Variants in TMEM165 observed in about 807,000 individuals in gnomAD.
TMEM165 encodes the protein putative divalent cation/proton antiporter TMEM165.
A neutral mutation model predicts 30.0 loss-of-function variants in TMEM165; 19 were observed. That is an observed-to-expected ratio of 0.63 (90% confidence interval 0.44 to 0.93). The LOEUF (loss-of-function observed/expected upper bound fraction) is 0.93. Ranked by LOEUF, TMEM165 falls within the 40% of genes least tolerant of loss-of-function variation. The probability of loss-of-function intolerance (pLI) is 0.00; values close to 1 mark genes in which losing one functional copy is unlikely to be tolerated. For missense variants in TMEM165, 340 were observed against 417.0 expected, an observed-to-expected ratio of 0.82 and a Z score of 1.61; for synonymous variants, 168 against 162.9, an observed-to-expected ratio of 1.03 and a Z score of -0.24.
In TMEM165 at chr4:55,442,669, A is replaced by ACTGAAAATAATTATTTGGGAAGT. The variant is rs775385544; in HGVS notation, c.409-9569_409-9547dup. 4 of 1,536,428 alleles carry ACTGAAAATAATTATTTGGGAAGT rather than the reference A, an allele frequency of 2.6e-6. No homozygotes were observed. The South Asian group carries it at 4.5e-5, about 17-fold the overall frequency. On this transcript the variant is annotated intron_variant, in intron 3 of 3. Coordinates refer to the TMEM165 transcript ENST00000608091. ...ATAAAGAGATTTTATAGACAGATTAACTGAAAATAATTATTTGGGAAGTAT... is the reference window on the plus strand; with the variant it reads ...ATAAAGAGATTTTATAGACAGATTAACTGAAAATAATTATTTGGGAAGTCTGAAAATAATTATTTGGGAAGTAT...
At chr4:55,442,355 G>T in intron 3 of TMEM165, 3 of 1,304,016 alleles carry the variant, frequency 2.3e-6, no homozygotes, top group South Asian at 1.2e-5. Flanking sequence ...TAAAAAATTT[G>T]ATTAAGAAAT....
chr4:55,435,326 G>C (rs1722793146), intron 3 of TMEM165: 8 of 1,496,476 alleles, frequency 5.3e-6, no homozygotes, highest in Non-Finnish European at 7.4e-6. Flanking sequence ...GAAACTGCTG[G>C]AACTTTCCCT....
At chr4:55,440,156 T>C (rs80277119) in intron 3 of TMEM165, among the ~76,000 whole-genome samples, 102 of 152,312 alleles carry the variant, frequency 6.7e-4, no homozygotes, top group East Asian at 2.1e-3. Flanking sequence ...TTATAATGTA[T>C]TTTTTAAACT....
At chr4:55,453,040 TATAAGAAAC>T in exon 4 of TMEM165, 1 of 1,577,408 alleles carries the variant, frequency 6.3e-7, no homozygotes, top group Non-Finnish European at 8.7e-7. Flanking sequence ...TTTTTTTAAT[TATAAGAAAC>T]ATACTTTGTC....
intron 1 of TMEM165, among the ~76,000 whole-genome samples, chr4:55,400,730 C>T (rs1720966851): frequency 6.7e-6 from 1 of 150,290 alleles, no homozygotes; most frequent in Non-Finnish European, 1.5e-5. Context: ...GCCACCACGC[C>T]TGGCCTTAAT....
chr4:55,442,905 T>C lies in TMEM165; in HGVS notation c.409-9334T>C, dbSNP rs138707338. Among the ~76,000 whole-genome samples, 36 of 152,286 alleles carry C rather than the reference T, an allele frequency of 2.4e-4. No homozygotes were observed. In the East Asian group the frequency reaches 7.0e-3, roughly 29 times the overall value. On this transcript the variant is annotated intron_variant, in intron 3 of 3. Transcript: ENST00000608091. The stretch of plus-strand genomic sequence containing the variant: ...ATAAAATATACTCAAAGAATTTCTG[T>C]TAAATGCCCAAAGTGAATGACTAAT...
intron 4 of TMEM165, among the ~76,000 whole-genome samples, chr4:55,420,981 T>C (rs1010258217): frequency 1.3e-5 from 2 of 150,000 alleles, no homozygotes; most frequent in Admixed American, 1.3e-4. Context: ...GCAAATCACC[T>C]GAGGTCAGGA....
intron 3 of TMEM165, chr4:55,434,375 T>G (rs998531039): frequency 1.3e-5 from 2 of 152,614 alleles, no homozygotes; most frequent in Non-Finnish European, 2.9e-5. Context: ...AAATTTTACC[T>G]CTATAACTGA....
At chr4:55,424,405 A>ACACACCTGCATTTT in intron 4 of TMEM165, 133 bp from the exon 5 acceptor site, 2 of 608,842 alleles carry the variant, frequency 3.3e-6, no homozygotes, top group Non-Finnish European at 6.0e-6. Flanking sequence ...TAAATTTATT[A>ACACACCTGCATTTT]TACACCTGCA....
downstream of TMEM165, chr4:55,429,303 TTAAC>T (rs1722367541): frequency 6.6e-6 from 1 of 152,204 alleles, no homozygotes; most frequent in Admixed American, 6.5e-5. Context: ...TTGACGTGCT[TTAAC>T]TACCGTTCTC....
In TMEM165 at chr4:55,395,981, G is replaced by A. The variant is rs1720701197; in HGVS notation, c.-209G>A. On this transcript the variant is annotated 5_prime_UTR_variant, in exon 1 of 6. Coordinates refer to ENST00000381334, the MANE Select transcript of TMEM165 (RefSeq NM_018475.5). Reference sequence around the variant, plus strand: ...TGACTCCAGTTTAGCCGCCGCCGGAGAGGACGGGCGCCGAGCCGGGGCTGC... The same window carrying A: ...TGACTCCAGTTTAGCCGCCGCCGGAAAGGACGGGCGCCGAGCCGGGGCTGC... The A allele has an allele frequency of 2.6e-6, 1 of 386,788 alleles. No homozygotes were observed. The highest frequency in any genetic ancestry group is 1.0e-4 in the South Asian group (1 of 9,734). 24.0% of individuals were successfully genotyped at this position (386,788 alleles called of 1,614,324 possible).
intron 4 of TMEM165, among the ~76,000 whole-genome samples, chr4:55,420,123 A>ATT (rs1366285391): frequency 2.5e-4 from 10 of 40,442 alleles, no homozygotes; most frequent in African/African-American, 9.8e-4. Context: ...ATATATATAC[A>ATT]TATATATTTA....
At chr4:55,446,276 A>G (rs1010585107) in intron 3 of TMEM165, among the ~76,000 whole-genome samples, 7 of 151,392 alleles carry the variant, frequency 4.6e-5, no homozygotes, top group African/African-American at 7.3e-5. Flanking sequence ...TTTTTAAGAG[A>G]TGGGGTCTCA....
At chr4:55,448,952 G>C (rs778299046) in intron 3 of TMEM165, 4 of 1,065,896 alleles carry the variant, frequency 3.8e-6, no homozygotes, top group South Asian at 1.3e-5. Context: ...TATGATATTC[G>C]TATTAATAAA....
intron 2 of TMEM165, among the ~76,000 whole-genome samples, chr4:55,412,414 A>AAAAG (rs1721547557): frequency 1.3e-5 from 2 of 150,982 alleles, no homozygotes; most frequent in African/African-American, 4.9e-5. Flanking sequence ...AAAAAAAAAA[A>AAAAG]AAAGGGAGAC....
At chr4:55,429,585 T>C (rs1722379969), downstream of TMEM165, 1 of 152,208 alleles carries the variant, frequency 6.6e-6, no homozygotes, top group Non-Finnish European at 1.5e-5. Flanking sequence ...TTTAAGAACT[T>C]TAAATGGATT....
intron 1 of TMEM165, among the ~76,000 whole-genome samples, chr4:55,404,534 T>A (rs967415263): frequency 2.0e-5 from 3 of 151,854 alleles, no homozygotes; most frequent in Non-Finnish European, 2.9e-5. Context: ...CAAGTGATCC[T>A]CCCACCTCAG....
chr4:55,401,451 A>T (rs1230280245), intron 1 of TMEM165, among the ~76,000 whole-genome samples: 2 of 150,696 alleles, frequency 1.3e-5, no homozygotes, highest in African/African-American at 5.0e-5. Context: ...TTTAGACTTT[A>T]TTGCATATTC....
chr4:55,449,688 T>C (rs1384255101), intron 3 of TMEM165, among the ~76,000 whole-genome samples: 2 of 152,150 alleles, frequency 1.3e-5, no homozygotes, highest in Non-Finnish European at 2.9e-5. Context: ...AAGAAAATAG[T>C]TGAAATAGGA....
Sources: allele counts gnomAD v4.1 joint callset (sites outside exome capture counted in the v4.1 genomes callset), GRCh38; gene constraint gnomAD v4.1.1; transcripts MANE v1.5; gene names NCBI Gene and HGNC (gene_info 2026-07-23, HGNC 2026-07-21).